TLE2: variants seen among roughly 807,000 people sequenced by gnomAD.
TLE2 encodes transducin-like enhancer protein 2.
Under a neutral mutation model 97.2 loss-of-function variants are expected in TLE2, and 74 were observed. The ratio of observed to expected loss-of-function variants is 0.76; its 90% CI spans 0.63 to 0.92. The LOEUF (loss-of-function observed/expected upper bound fraction) is 0.92. TLE2 is among the 40% of genes least tolerant of loss of function. TLE2 has a pLI of 0.00. For missense variants in TLE2, 1,038 were observed against 1,008.7 expected, an observed-to-expected ratio of 1.03 and a Z score of -0.39; for synonymous variants, 499 against 432.1, an observed-to-expected ratio of 1.15 and a Z score of -1.92.
chr19:3,004,793 C>T (rs930849478), intron 17 of TLE2, among the ~76,000 whole-genome samples: 10 of 151,958 alleles, frequency 6.6e-5, no homozygotes, highest in Admixed American at 2.0e-4. Flanking sequence ...AGAGCTGTCC[C>T]GGAGTATGGT....
intron 11 of TLE2, 62 bp from the exon 12 acceptor site, chr19:3,011,222 T>TGGCGG: frequency 6.7e-7 from 1 of 1,498,396 alleles, no homozygotes. Context: ...CCCAACGATC[T>TGGCGG]GATCAGAAAC....
Position 3,008,810 on chromosome 19 carries a change from C to G in TLE2, c.1250+59G>C, listed in dbSNP as rs1027511489. On this transcript the variant is annotated intron_variant, in intron 14 of 19. Transcript: ENST00000262953. ...ACCCCAACCACAGAGGGTAAGACCTCAGAGGAGGTGGGGGGCTGGCCCGGG... is the reference window on the plus strand; with the variant it reads ...ACCCCAACCACAGAGGGTAAGACCTGAGAGGAGGTGGGGGGCTGGCCCGGG... 54 of 1,410,858 alleles carry G rather than the reference C, an allele frequency of 3.8e-5. No individual in the cohort carries two copies. The African/African-American group carries it at 7.2e-4, about 19-fold the overall frequency. 87.4% of individuals were successfully genotyped at this position (1,410,858 alleles called of 1,614,324 possible). A position where few individuals can be genotyped will look rare whatever the true frequency, so the allele number is the denominator to read the frequency against.
At chr19:3,028,662 G>A in intron 2 of TLE2, 44 bp downstream of exon 2, 1 of 1,605,990 alleles carries the variant, frequency 6.2e-7, no homozygotes, top group South Asian at 1.1e-5. Context: ...CCCCGCCCCG[G>A]CGCCCAGGTG....
intron 8 of TLE2, among the ~76,000 whole-genome samples, chr19:3,016,298 G>T (rs951171516): frequency 6.6e-6 from 1 of 150,636 alleles, no homozygotes; most frequent in Non-Finnish European, 1.5e-5. Flanking sequence ...CATTTTGGCC[G>T]GGCGCAGTGG....
chr19:3,014,548 G>A (rs1302757406), intron 10 of TLE2, 22 bp downstream of exon 10: 1 of 1,558,962 alleles, frequency 6.4e-7, no homozygotes, highest in Non-Finnish European at 8.7e-7. Context: ...AGTCGGGGAA[G>A]AGGCTGGACC....
chr19:3,014,663 C>A, intron 9 of TLE2, 49 bp from the exon 10 acceptor site: 1 of 1,521,220 alleles, frequency 6.6e-7, no homozygotes, highest in Non-Finnish European at 8.9e-7. Flanking sequence ...CCCCTGCCTC[C>A]ACACCCCCTA....
upstream of TLE2, among the ~76,000 whole-genome samples, chr19:3,032,141 G>A (rs920571856): frequency 3.9e-5 from 6 of 151,910 alleles, no homozygotes; most frequent in Admixed American, 6.6e-5. This position sits in a 1 kb window ranked among gnomAD's most constrained non-coding sequence, Gnocchi z 4.1. Flanking sequence ...CATGTTGGCC[G>A]GGCTGGTCTT....
intron 8 of TLE2, among the ~76,000 whole-genome samples, chr19:3,017,354 T>C (rs765398323): frequency 2.6e-5 from 4 of 151,840 alleles, no homozygotes; most frequent in Non-Finnish European, 5.9e-5. Context: ...GCCAGGCTGC[T>C]TTTGAACTCC....
rs567232068 is a variant in TLE2, at chr19:3,019,762, C to A, written c.306G>T (p.Gln102His). The change falls in exon 6 of 20, where the codon CAG (glutamine) becomes CAT (histidine). Residue 102 changes from glutamine (Q) to histidine (H), a missense_variant. Transcript: ENST00000262953. This position sits in a 1 kb window ranked among gnomAD's most constrained non-coding sequence, Gnocchi z 5.1. Reference protein sequence around the residue: ...IPFLTQEHQQQVLQAVERAKQ... With the variant: ...IPFLTQEHQQHVLQAVERAKQ... ...TGGCGCGTTCTACGGCCTGGAGCAC[C>A]TGCTGCTGATGCTGGCGGGTGGAAG... 19 of 1,613,114 alleles carry A rather than the reference C, an allele frequency of 1.2e-5. No individual in the cohort carries two copies. In the African/African-American group the frequency reaches 2.4e-4, roughly 20 times the overall value.
intron 11 of TLE2, among the ~76,000 whole-genome samples, chr19:3,012,838 C>T (rs973405440): frequency 6.6e-6 from 1 of 152,212 alleles, no homozygotes; most frequent in Non-Finnish European, 1.5e-5. Context: ...ATGACACCAT[C>T]GCACAAACAG....
intron 9 of TLE2, among the ~76,000 whole-genome samples, 170 bp from the exon 10 acceptor site, chr19:3,014,784 C>T (rs551877051): frequency 9.7e-4 from 147 of 152,080 alleles, no homozygotes; most frequent in Non-Finnish European, 1.6e-3. Flanking sequence ...TGCACGTGCC[C>T]GCATCCGGGA....
chr19:3,015,923 G>A, intron 8 of TLE2, 163 bp from the exon 9 acceptor site: 1 of 699,564 alleles, frequency 1.4e-6, no homozygotes, highest in South Asian at 1.5e-5. Flanking sequence ...TCAGTGCTAA[G>A]GTTTTGTTCT....
At chr19:3,047,351 C>G (rs894836809), upstream of TLE2, among the ~76,000 whole-genome samples, 20 of 145,058 alleles carry the variant, frequency 1.4e-4, no homozygotes, top group African/African-American at 4.3e-4. Context: ...GCACGCCCCC[C>G]CAGGACGCCT....
Position 3,028,769 on chromosome 19 carries a change from G to T in TLE2, c.59C>A (p.Ser20Ter). 6.2e-7 allele frequency: 1 copy of T among 1,612,932 alleles called. No homozygotes were observed. The highest frequency in any genetic ancestry group is 8.5e-7 in the Non-Finnish European group (1 of 1,179,856). ...GATGCGGTCGCAGATCTCCAAGATC[G>T]AGAACTTGAAGGGCTGGCCGGACTG... ...PLQSGQPFKF[S>*]ILEICDRIKE... Residue 20 changes from serine (S) to a stop codon, truncating the protein, a stop_gained, in exon 2 of 20, where the codon TCG becomes TAG. Transcript: ENST00000262953. LOFTEE classifies it high-confidence loss of function.
Position 3,006,425 on chromosome 19 carries a change from A to G in TLE2, c.1495T>C (p.Cys499Arg). 1 of 1,609,708 alleles carries G rather than the reference A, an allele frequency of 6.2e-7. No homozygotes were observed. The highest frequency in any genetic ancestry group is 1.3e-5 in the African/African-American group (1 of 74,896). Residue 499 changes from cysteine to arginine, a missense_variant, in exon 15 of 20, where the codon TGC (cysteine) becomes CGC (arginine). Cys to Arg is a radical substitution (Grantham distance 180). Transcript: ENST00000262953. ...GAKTPVAQLD[C>R]LNRDNYIRSC... ...CTGTCCCACCCCGCCCTCACCAGGC[A>G]GTCGAGCTGGGCCACGGGCGTCTTG...
intron 15 of TLE2, 115 bp from the exon 16 acceptor site, chr19:3,006,083 C>T: frequency 7.7e-7 from 1 of 1,294,000 alleles, no homozygotes; most frequent in East Asian, 2.3e-5. Flanking sequence ...GATTAGCCTG[C>T]AAGCCCTACC....
rs114935319 is a variant in TLE2 at position 3,009,011 on chromosome 19, G to A, written c.1174-66C>T. 13,508 of 1,295,340 alleles carry A rather than the reference G, an allele frequency of 0.01. 1,021 individuals carry two copies. In the African/African-American group the frequency reaches 0.17, roughly 17 times the overall value. 80.2% of individuals were successfully genotyped at this position (1,295,340 alleles called of 1,614,324 possible). On this transcript the variant is annotated intron_variant, in intron 13 of 19. Transcript: ENST00000262953. ...CCAACCCACCTCTGTGCCACCCCACGCCCACCTGCCATACCCCTCTCTGTT... is the reference window on the plus strand; with the variant it reads ...CCAACCCACCTCTGTGCCACCCCACACCCACCTGCCATACCCCTCTCTGTT...
chr19:3,020,155 G>A (rs921234347), intron 5 of TLE2: 5 of 207,028 alleles, frequency 2.4e-5, no homozygotes, highest in African/African-American at 1.2e-4. Context: ...AGAATCGCTT[G>A]AACCCGGGAG....
At chr19:3,028,574 C>T (rs117117014) in intron 2 of TLE2, 132 bp downstream of exon 2, 61,010 of 1,138,120 alleles carry the variant, frequency 0.054, 1,938 homozygotes, top group Non-Finnish European at 0.061. Flanking sequence ...TGCACCTGCG[C>T]TTCCACCTGG....
Sources: allele counts gnomAD v4.1 joint callset (sites outside exome capture counted in the v4.1 genomes callset), GRCh38; gene constraint gnomAD v4.1.1; non-coding constraint Gnocchi (gnomAD v3.1); transcripts MANE v1.5; gene names NCBI Gene and HGNC (gene_info 2026-07-23, HGNC 2026-07-21).